MYBL2: variants seen among roughly 807,000 people sequenced by gnomAD.
MYBL2 encodes MYB proto-oncogene like 2.
In MYBL2, 28 loss-of-function variants were observed where a neutral mutation model predicts 79.9. That is an observed-to-expected ratio of 0.35 (90% CI 0.26 to 0.48). MYBL2 has a LOEUF of 0.48. MYBL2 is among the 20% of genes least tolerant of loss of function. The pLI, the probability that MYBL2 is intolerant of heterozygous loss-of-function variation, is 0.99. For synonymous variants in MYBL2, 378 were observed against 361.2 expected, an observed-to-expected ratio of 1.05 and a Z score of -0.53; for missense variants, 735 against 893.9, an observed-to-expected ratio of 0.82 and a Z score of 2.27.
At chr20:43,672,109 G>C (rs1175983077) in intron 1 of MYBL2, among the ~76,000 whole-genome samples, 1 of 152,110 alleles carries the variant, frequency 6.6e-6, no homozygotes, top group East Asian at 1.9e-4. Context: ...TACTCAGGAG[G>C]CTGAGGCAGG....
intron 2 of MYBL2, among the ~76,000 whole-genome samples, chr20:43,677,616 G>T (rs753226841): frequency 6.6e-6 from 1 of 151,894 alleles, no homozygotes; most frequent in Admixed American, 6.6e-5. Context: ...ATGGCCGCCC[G>T]GCCACCCCTA....
intron 7 of MYBL2, among the ~76,000 whole-genome samples, chr20:43,701,413 A>G (rs1407325335): frequency 6.6e-6 from 1 of 152,152 alleles, no homozygotes; most frequent in Non-Finnish European, 1.5e-5. Flanking sequence ...ACTCGGCTTT[A>G]GTGTCTGGGT....
Position 43,699,990 on chromosome 20 carries a change from C to T in MYBL2, c.897C>T (p.Leu299=), listed in dbSNP as rs1183206121. 3 of 1,613,994 alleles carry T rather than the reference C, an allele frequency of 1.9e-6. No homozygotes were observed. The highest frequency in any genetic ancestry group is 2.7e-5 in the African/African-American group (2 of 74,926). The change falls in exon 7 of 14, where the codon CTC becomes CTT. Residue 299 remains leucine (L), a synonymous_variant. Coordinates refer to ENST00000217026, the MANE Select transcript of MYBL2 (RefSeq NM_002466.4). ...PYKWVVEAAN[L]LIPAVGSSLS... is the part of the protein sequence containing the mutation. ...AGTGGGTGGTGGAGGCAGCTAACCT[C>T]CTCATCCCTGCTGTGGGTTCTAGCC...
chr20:43,690,995 G>C (rs1265171588), intron 5 of MYBL2, among the ~76,000 whole-genome samples: 1 of 152,178 alleles, frequency 6.6e-6, no homozygotes. Flanking sequence ...TCTACTCTGT[G>C]CTTTATGCTA....
At chr20:43,671,916 T>C (rs1986868127) in intron 1 of MYBL2, among the ~76,000 whole-genome samples, 1 of 151,162 alleles carries the variant, frequency 6.6e-6, no homozygotes, top group South Asian at 2.1e-4. Flanking sequence ...CGTTAGAAGA[T>C]ATTGTACACT....
intron 1 of MYBL2, among the ~76,000 whole-genome samples, chr20:43,669,488 C>T (rs947148702): frequency 2.0e-5 from 3 of 152,220 alleles, no homozygotes; most frequent in Non-Finnish European, 2.9e-5. Context: ...GCCCTAGTGC[C>T]CCACTTCCCG....
chr20:43,674,008 G>C, intron 2 of MYBL2, 109 bp downstream of exon 2: 1 of 955,678 alleles, frequency 1.0e-6, no homozygotes. Context: ...GGAGGAGCCG[G>C]TGAAGGAAGG....
intron 4 of MYBL2, among the ~76,000 whole-genome samples, chr20:43,684,976 G>A (rs147707594): frequency 1.3e-5 from 2 of 151,178 alleles, no homozygotes; most frequent in South Asian, 2.1e-4. Flanking sequence ...GCGAAACCCC[G>A]TCTCTACTAA....
intron 1 of MYBL2, among the ~76,000 whole-genome samples, chr20:43,668,780 C>T (rs1005008343): frequency 6.6e-6 from 1 of 151,444 alleles, no homozygotes; most frequent in African/African-American, 2.4e-5. Flanking sequence ...CCCAACCTCC[C>T]AGGTTCAAGT....
intron 6 of MYBL2, among the ~76,000 whole-genome samples, chr20:43,694,624 T>C (rs534466566): frequency 2.6e-5 from 4 of 152,324 alleles, no homozygotes; most frequent in African/African-American, 9.6e-5. Context: ...AGAATATCTC[T>C]CGATTGCCCA....
intron 8 of MYBL2, among the ~76,000 whole-genome samples, chr20:43,704,379 A>G (rs2145730081): frequency 6.6e-6 from 1 of 152,254 alleles, no homozygotes; most frequent in South Asian, 2.1e-4. Context: ...AGGTGCTGAG[A>G]GTTGGGACTT....
chr20:43,687,604 C>G (rs903902239), intron 5 of MYBL2, among the ~76,000 whole-genome samples: 1 of 152,110 alleles, frequency 6.6e-6, no homozygotes, highest in Non-Finnish European at 1.5e-5. Context: ...TTCTTTATCT[C>G]TTTAAGTGAT....
At chr20:43,678,890 A>C (rs936305938) in intron 2 of MYBL2, among the ~76,000 whole-genome samples, 3 of 146,222 alleles carry the variant, frequency 2.1e-5, no homozygotes, top group Non-Finnish European at 4.5e-5. Context: ...AAACATATAG[A>C]GCACAGGCTG....
chr20:43,708,667 C>T (rs997244634), intron 9 of MYBL2, among the ~76,000 whole-genome samples: 1 of 152,282 alleles, frequency 6.6e-6, no homozygotes, highest in Middle Eastern at 3.4e-3. Flanking sequence ...TCAAGTGATC[C>T]TCTCCTGTCA....
At chr20:43,709,380 A>C (rs373614447) in intron 9 of MYBL2, among the ~76,000 whole-genome samples, 2 of 152,216 alleles carry the variant, frequency 1.3e-5, no homozygotes, top group Non-Finnish European at 2.9e-5. Context: ...GCTCTAGGGC[A>C]GGTGGAAATC....
In MYBL2 at chr20:43,683,550, C is replaced by CCTTTTTTTTTTTTTTTTTTTTTTT. The variant is rs764273305; in HGVS notation, c.279+664_279+665insCTTTTTTTTTTTTTTTTTTTTTTT. On this transcript the variant is annotated intron_variant, in intron 4 of 13. Coordinates refer to ENST00000217026, the MANE Select transcript of MYBL2 (RefSeq NM_002466.4). ...AAAGAGGGAGATGAAGGGAACTAGG[C>CCTTTTTTTTTTTTTTTTTTTTTTT]ATTTTTTTTTTTTTTTTTTTTGAGA... Among the ~76,000 whole-genome samples, 2 of 126,446 alleles carry CCTTTTTTTTTTTTTTTTTTTTTTT rather than the reference C, an allele frequency of 1.6e-5. 1 individual carries two copies. Among genetic ancestry groups the CCTTTTTTTTTTTTTTTTTTTTTTT allele is most frequent in the Non-Finnish European group, 3.3e-5 (2 of 59,780 alleles). The allele number at this position is 126,446 out of a possible 152,430, so 83.0% of individuals were successfully genotyped here. A position where few individuals can be genotyped will look rare whatever the true frequency, so the allele number is the denominator to read the frequency against.
rs763956348 is a variant in MYBL2, at chr20:43,687,014, G to A, written c.442G>A (p.Glu148Lys). 1.1e-5 allele frequency: 17 copies of A among 1,613,816 alleles called. No individual in the cohort carries two copies. In the East Asian group the frequency reaches 1.8e-4, roughly 17 times the overall value. The change falls in exon 5 of 14, where the codon GAG becomes AAG. Residue 148 changes from glutamate to lysine, a missense_variant. This residue lies in a region of MYBL2 where 65 missense variants were observed against 145.2 expected (regional missense o/e 0.45). Coordinates refer to ENST00000217026, the MANE Select transcript of MYBL2 (RefSeq NM_002466.4). ...CGAGGAGGAGGACCGCATCATCTGC[G>A]AGGCCCACAAGGTGCTGGGCAACCG... is the stretch of plus-strand genomic sequence containing the variant. ...WTEEEDRIIC[E>K]AHKVLGNRWA...
chr20:43,704,566 G>T (rs1987739170), intron 8 of MYBL2, among the ~76,000 whole-genome samples: 1 of 152,212 alleles, frequency 6.6e-6, no homozygotes, highest in Admixed American at 6.5e-5. Flanking sequence ...GAGGGTTGCA[G>T]ATGGCTCTCT....
chr20:43,715,794 G>A (rs1988018393), intron 13 of MYBL2, among the ~76,000 whole-genome samples, 165 bp from the exon 14 acceptor site: 1 of 152,168 alleles, frequency 6.6e-6, no homozygotes, highest in Non-Finnish European at 1.5e-5. Flanking sequence ...CCACAGCCAG[G>A]AAGTGACTTG....
Sources: gnomAD v4.1 joint callset for allele counts (sites outside exome capture counted in the v4.1 genomes callset) on GRCh38, gnomAD v4.1.1 for gene constraint, gnomAD v4.1.1 regional missense constraint, MANE v1.5 for transcripts, NCBI Gene and HGNC (gene_info 2026-07-23, HGNC 2026-07-21) for gene names.